SYT6: variants seen among roughly 807,000 people sequenced by gnomAD.
SYT6 encodes synaptotagmin-6.
SYT6 carries 24 observed loss-of-function variants against 38.4 expected under a neutral mutation model. The ratio of observed to expected loss-of-function variants is 0.62; its 90% CI spans 0.45 to 0.88. The LOEUF is 0.88. Among genes scored for constraint, SYT6 ranks in the 40% least tolerant of loss-of-function variants. The pLI is 0.00. For missense variants in SYT6, 611 were observed against 621.0 expected, an observed-to-expected ratio of 0.98 and a Z score of 0.17; for synonymous variants, 265 against 241.9, an observed-to-expected ratio of 1.10 and a Z score of -0.89.
intron 7 of SYT6, among the ~76,000 whole-genome samples, chr1:114,093,188 A>T (rs2101616299): frequency 6.6e-6 from 1 of 152,302 alleles, no homozygotes; most frequent in Non-Finnish European, 1.5e-5. Flanking sequence ...CAATACAGCC[A>T]TTCCTAGAAG....
At chr1:114,112,638 G>A (rs1676753946) in intron 3 of SYT6, among the ~76,000 whole-genome samples, 1 of 152,234 alleles carries the variant, frequency 6.6e-6, no homozygotes, top group African/African-American at 2.4e-5. Context: ...GTCAAGCCAG[G>A]AAGTCTGTGC....
chr1:114,123,070 C>G (rs6671010), intron 3 of SYT6, among the ~76,000 whole-genome samples: 94,861 of 152,062 alleles, frequency 0.62, 30,006 homozygotes, highest in East Asian at 0.85. Flanking sequence ...AGCTGACTTT[C>G]AGCTAGTTCC....
At position 114,089,432 on chromosome 1, in the gene SYT6, A is replaced by T. The variant is rs565132002; in HGVS notation, c.*2702T>A. ...TCCTGGGTAAGCGCAGAGGGGGAGG[A>T]GGGCGTCTTTCAGCCCGGAAACACT... On this transcript the variant is annotated 3_prime_UTR_variant, in exon 8 of 8. Coordinates refer to ENST00000610222, the MANE Select transcript of SYT6 (RefSeq NM_001253772.2). The T allele has an allele frequency of 1.3e-5, 2 of 152,774 alleles. No homozygotes were observed. The highest frequency in any genetic ancestry group is 4.8e-5 in the African/African-American group (2 of 41,562). The allele number at this position is 152,774 out of a possible 1,614,324, so 9.5% of individuals were successfully genotyped here.
At chr1:114,134,129 T>G (rs1219124801) in intron 3 of SYT6, among the ~76,000 whole-genome samples, 3 of 152,162 alleles carry the variant, frequency 2.0e-5, no homozygotes, top group Non-Finnish European at 4.4e-5. Flanking sequence ...TGCCTTTCCT[T>G]CTGCTCAGCA....
chr1:114,101,569 G>C (rs1478912298), intron 4 of SYT6, among the ~76,000 whole-genome samples: 2 of 152,204 alleles, frequency 1.3e-5, no homozygotes, highest in African/African-American at 4.8e-5. Flanking sequence ...TTCAGGGCTA[G>C]TTTAGATCAT....
Position 114,089,883 on chromosome 1 carries a change from A to G in SYT6, c.*2251T>C, listed in dbSNP as rs1675202873. The G allele has an allele frequency of 6.6e-6, 1 of 152,334 alleles. No homozygotes were observed. The highest frequency in any genetic ancestry group is 2.4e-5 in the African/African-American group (1 of 41,444). 9.4% of individuals were successfully genotyped at this position (152,334 alleles called of 1,614,324 possible). On this transcript the variant is annotated 3_prime_UTR_variant, in exon 8 of 8. Transcript: ENST00000610222. ...ATTTTCTGAAACCACTGGGATGTTCACTCATGGGAGATAGCTGCTTGGATA... is the reference window on the plus strand; with the variant it reads ...ATTTTCTGAAACCACTGGGATGTTCGCTCATGGGAGATAGCTGCTTGGATA...
chr1:114,134,560 C>T (rs1196651302), intron 3 of SYT6, among the ~76,000 whole-genome samples: 2 of 152,144 alleles, frequency 1.3e-5, no homozygotes, highest in Non-Finnish European at 2.9e-5. Context: ...ATACAGAGAA[C>T]ACACGGGAGA....
intron 3 of SYT6, among the ~76,000 whole-genome samples, chr1:114,134,311 C>G (rs1373758161): frequency 2.6e-5 from 4 of 152,200 alleles, no homozygotes; most frequent in Non-Finnish European, 5.9e-5. Context: ...CTCCAAGAAG[C>G]CTTCCCAGGT....
chr1:114,093,867 G>A (rs1407329222), intron 6 of SYT6, 64 bp from the exon 7 acceptor site: 1 of 1,506,816 alleles, frequency 6.6e-7, no homozygotes, highest in Non-Finnish European at 9.2e-7. Context: ...TCTGACTCAA[G>A]TGTTTCTTAA....
intron 3 of SYT6, among the ~76,000 whole-genome samples, chr1:114,113,703 G>A (rs546081330): frequency 6.6e-6 from 1 of 152,152 alleles, no homozygotes; most frequent in Non-Finnish European, 1.5e-5. Context: ...CATCTCCAGT[G>A]CCACACGGAG....
At position 114,090,601 on chromosome 1, in the gene SYT6, T is replaced by G. The variant is rs1199006958; in HGVS notation, c.*1533A>C. ...AGGTGTGTGAACAGATTTTCTGTTCTTGATTTTCCACTGTTAAAAGAAGGG... is the reference window on the plus strand; with the variant it reads ...AGGTGTGTGAACAGATTTTCTGTTCGTGATTTTCCACTGTTAAAAGAAGGG... On this transcript the variant is annotated 3_prime_UTR_variant, in exon 8 of 8. Transcript: ENST00000610222. The G allele has an allele frequency of 2.6e-5, 4 of 152,410 alleles. No homozygotes were observed. The highest frequency in any genetic ancestry group is 9.6e-5 in the African/African-American group (4 of 41,472). 9.4% of individuals were successfully genotyped at this position (152,410 alleles called of 1,614,324 possible). A position where few individuals can be genotyped will look rare whatever the true frequency, so the allele number is the denominator to read the frequency against.
chr1:114,146,413 G>T (rs1282099947), intron 1 of SYT6, among the ~76,000 whole-genome samples: 1 of 152,170 alleles, frequency 6.6e-6, no homozygotes, highest in African/African-American at 2.4e-5. Context: ...TCCCACTCTG[G>T]GCTTGCTGGG....
At position 114,099,230 on chromosome 1, in the gene SYT6, G is replaced by A. The variant is rs200088199; in HGVS notation, c.1228C>T (p.Arg410Trp). The change falls in exon 5 of 8, where the codon CGG becomes TGG. Residue 410 changes from arginine (R) to tryptophan (W), a missense_variant. Coordinates refer to ENST00000610222, the MANE Select transcript of SYT6 (RefSeq NM_001253772.2). Reference sequence around the variant, plus strand: ...GTTGTTTTCTTCTTCTTCAGCCTCCGCCCATCACAGAGCAAGGACACTTTC... The same window carrying A: ...GTTGTTTTCTTCTTCTTCAGCCTCCACCCATCACAGAGCAAGGACACTTTC... ...YVKVSLLCDG[R>W]RLKKKKTTIK... 22 of 1,613,536 alleles carry A rather than the reference G, an allele frequency of 1.4e-5. No individual in the cohort carries two copies. The highest frequency in any genetic ancestry group is 1.2e-4 in the South Asian group (11 of 91,008).
At chr1:114,139,007 T>C (rs1194225097) in intron 2 of SYT6, among the ~76,000 whole-genome samples, 1 of 152,214 alleles carries the variant, frequency 6.6e-6, no homozygotes, top group Non-Finnish European at 1.5e-5. Context: ...GTAAATACAA[T>C]GCCTTACGCA....
rs1675249757 is a variant in SYT6 at position 114,090,643 on chromosome 1, G to A, written c.*1491C>T. 1 of 152,310 alleles carries A rather than the reference G, an allele frequency of 6.6e-6. No homozygotes were observed. Among genetic ancestry groups the A allele is most frequent in the Non-Finnish European group, 1.5e-5 (1 of 68,050 alleles). 9.4% of individuals were successfully genotyped at this position (152,310 alleles called of 1,614,324 possible). On this transcript the variant is annotated 3_prime_UTR_variant, in exon 8 of 8. Coordinates refer to ENST00000610222, the MANE Select transcript of SYT6 (RefSeq NM_001253772.2). Reference sequence around the variant, plus strand: ...AAAGAAGGGGTTCTTCAGCAGACTTGCCTCTTGCAAGTAGTACACACAGCT... The same window carrying A: ...AAAGAAGGGGTTCTTCAGCAGACTTACCTCTTGCAAGTAGTACACACAGCT...
intron 1 of SYT6, among the ~76,000 whole-genome samples, chr1:114,142,926 TACACTGTATATGTGTA>T (rs1216079685): frequency 2.0e-5 from 3 of 152,302 alleles, no homozygotes; most frequent in African/African-American, 7.2e-5. Flanking sequence ...CAGTATATTT[TACACTGTATATGTGTA>T]TATATATAGG....
intron 3 of SYT6, among the ~76,000 whole-genome samples, chr1:114,119,857 G>A (rs1677272785): frequency 6.6e-6 from 1 of 152,148 alleles, no homozygotes; most frequent in South Asian, 2.1e-4. Flanking sequence ...GGATCACGAG[G>A]TCAGGAGATC....
chr1:114,135,060 G>C (rs1282043892), intron 3 of SYT6, among the ~76,000 whole-genome samples: 2 of 152,160 alleles, frequency 1.3e-5, no homozygotes, highest in East Asian at 3.9e-4. Flanking sequence ...CTGCTGGTGG[G>C]GCTGTGGGTT....
chr1:114,148,167 T>A (rs1679253129), intron 1 of SYT6, among the ~76,000 whole-genome samples: 1 of 152,184 alleles, frequency 6.6e-6, no homozygotes. Context: ...GGCTTTCTTA[T>A]CTTCCCCCAC....
Sources: allele counts gnomAD v4.1 joint callset (sites outside exome capture counted in the v4.1 genomes callset), GRCh38; gene constraint gnomAD v4.1.1; transcripts MANE v1.5; gene names NCBI Gene and HGNC (gene_info 2026-07-23, HGNC 2026-07-21).